TNFSF4: variants seen among roughly 807,000 people sequenced by gnomAD.
TNFSF4 encodes the protein TNF superfamily member 4.
A neutral mutation model predicts 7.3 loss-of-function variants in TNFSF4; 4 were observed. The observed-to-expected ratio is 0.55, with a 90% CI of 0.27 to 1.25. TNFSF4 has a LOEUF of 1.25. Ranked by LOEUF, TNFSF4 falls within the 50% of genes most tolerant of loss-of-function variation. The probability of loss-of-function intolerance (pLI) is 0.12; values close to 1 mark genes in which losing one functional copy is unlikely to be tolerated. For missense variants in TNFSF4, 181 were observed against 208.8 expected, an observed-to-expected ratio of 0.87 and a Z score of 0.82; for synonymous variants, 76 against 83.7, an observed-to-expected ratio of 0.91 and a Z score of 0.50.
the TNFSF4 span, among the ~76,000 whole-genome samples, chr1:173,308,992 CAAG>C: frequency 6.6e-6 from 1 of 151,832 alleles, no homozygotes; most frequent in Non-Finnish European, 1.5e-5. Flanking sequence ...CACTTAGGTT[CAAG>C]AAGAAGGACC....
intron 1 of TNFSF4, among the ~76,000 whole-genome samples, chr1:173,192,206 A>T (rs184296762): frequency 1.4e-3 from 206 of 152,242 alleles, no homozygotes; most frequent in Non-Finnish European, 2.3e-3. Context: ...GCCTAAATCA[A>T]ATCCTTGAGT....
the TNFSF4 span, among the ~76,000 whole-genome samples, chr1:173,412,322 C>A: frequency 1.3e-5 from 2 of 152,172 alleles, no homozygotes; most frequent in Admixed American, 1.3e-4. Flanking sequence ...GTTTCTGGCT[C>A]AGCCTCACTG....
At chr1:173,333,357 G>A in the TNFSF4 span, among the ~76,000 whole-genome samples, 1 of 152,034 alleles carries the variant, frequency 6.6e-6, no homozygotes, top group Admixed American at 6.6e-5. Context: ...CCTCTTGCAA[G>A]TCAGAAGGAA....
At chr1:173,257,517 T>G in the TNFSF4 span, among the ~76,000 whole-genome samples, 2 of 152,224 alleles carry the variant, frequency 1.3e-5, no homozygotes, top group East Asian at 1.9e-4. Context: ...GTTACAAATT[T>G]TAGGGTTTCC....
the TNFSF4 span, among the ~76,000 whole-genome samples, chr1:173,217,086 T>C: frequency 6.6e-6 from 1 of 152,136 alleles, no homozygotes; most frequent in Non-Finnish European, 1.5e-5. Context: ...CCGGACTCAG[T>C]TTGGGGAAGA....
the TNFSF4 span, among the ~76,000 whole-genome samples, chr1:173,296,314 C>T: frequency 6.6e-6 from 1 of 151,900 alleles, no homozygotes; most frequent in Non-Finnish European, 1.5e-5. Context: ...CAGTTCTACC[C>T]AACAAATATT....
chr1:173,224,642 T>G, the TNFSF4 span, among the ~76,000 whole-genome samples: 1 of 152,196 alleles, frequency 6.6e-6, no homozygotes, highest in African/African-American at 2.4e-5. Context: ...GTAACTTCCC[T>G]GAGGTTAGAC....
the TNFSF4 span, among the ~76,000 whole-genome samples, chr1:173,417,588 CAG>C: frequency 6.6e-6 from 1 of 152,148 alleles, no homozygotes; most frequent in African/African-American, 2.4e-5. Flanking sequence ...TTGAAAAAGC[CAG>C]AGTCCCATAG....
the TNFSF4 span, among the ~76,000 whole-genome samples, chr1:173,233,553 AC>A: frequency 6.6e-6 from 1 of 152,194 alleles, no homozygotes; most frequent in African/African-American, 2.4e-5. Flanking sequence ...TAAAATCTAT[AC>A]CTTGCAGGAA....
chr1:173,309,017 C>T, the TNFSF4 span, among the ~76,000 whole-genome samples: 26 of 152,088 alleles, frequency 1.7e-4, no homozygotes, highest in Non-Finnish European at 3.1e-4. Flanking sequence ...TAGACTCCAT[C>T]ACTCAATGGA....
At chr1:173,434,998 G>A in the TNFSF4 span, among the ~76,000 whole-genome samples, 1 of 152,316 alleles carries the variant, frequency 6.6e-6, no homozygotes, top group South Asian at 2.1e-4. Context: ...ATAATACTGA[G>A]GTTCCACCTA....
downstream of TNFSF4, among the ~76,000 whole-genome samples, chr1:173,181,182 T>C (rs1649050233): frequency 6.6e-6 from 1 of 152,198 alleles, no homozygotes. Context: ...TCATCCTAAA[T>C]GACAATAGAG....
At chr1:173,189,457 T>C (rs1034949620) in intron 1 of TNFSF4, among the ~76,000 whole-genome samples, 5 of 152,210 alleles carry the variant, frequency 3.3e-5, no homozygotes, top group Non-Finnish European at 5.9e-5. Flanking sequence ...TGGTGTAGCT[T>C]TTTTAAACAT....
At chr1:173,232,281 G>A in the TNFSF4 span, among the ~76,000 whole-genome samples, 1 of 152,138 alleles carries the variant, frequency 6.6e-6, no homozygotes, top group African/African-American at 2.4e-5. Context: ...TCTGTTATTG[G>A]TGTATAAGAA....
chr1:173,213,590 CTT>C, the TNFSF4 span, among the ~76,000 whole-genome samples: 1 of 152,240 alleles, frequency 6.6e-6, no homozygotes, highest in Admixed American at 6.5e-5. Flanking sequence ...AAAAAATCAA[CTT>C]TATTAAAATA....
chr1:173,270,321 A>G, the TNFSF4 span, among the ~76,000 whole-genome samples: 1 of 152,150 alleles, frequency 6.6e-6, no homozygotes, highest in Admixed American at 6.5e-5. Flanking sequence ...GGGAATTGCT[A>G]GTGTAAAGGT....
the TNFSF4 span, among the ~76,000 whole-genome samples, chr1:173,387,370 G>A: frequency 6.6e-6 from 1 of 152,140 alleles, no homozygotes; most frequent in Admixed American, 6.5e-5. Flanking sequence ...TCCCCCACAT[G>A]AGGACACAGC....
At chr1:173,241,961 G>C in the TNFSF4 span, among the ~76,000 whole-genome samples, 2 of 152,196 alleles carry the variant, frequency 1.3e-5, no homozygotes, top group African/African-American at 4.8e-5. Flanking sequence ...CAAGAGTAGG[G>C]GAACTTACAG....
chr1:173,399,025 G>A, the TNFSF4 span, among the ~76,000 whole-genome samples: 13 of 152,184 alleles, frequency 8.5e-5, no homozygotes, highest in Non-Finnish European at 1.8e-4. Flanking sequence ...TTAACTGTGG[G>A]TGACCAAATT....
Sources: gnomAD v4.1 joint callset for allele counts (sites outside exome capture counted in the v4.1 genomes callset) on GRCh38, gnomAD v4.1.1 for gene constraint, MANE v1.5 for transcripts, NCBI Gene and HGNC (gene_info 2026-07-23, HGNC 2026-07-21) for gene names.